The following DGKK variants were observed in gnomAD, a reference collection of about 807,000 sequenced individuals.
DGKK encodes the protein 142 kDa diacylglycerol kinase.
Under a neutral mutation model 92.2 loss-of-function variants are expected in DGKK, and 35 were observed. The observed-to-expected ratio is 0.38, with a 90% CI of 0.29 to 0.50. The LOEUF is 0.50. DGKK is among the 20% of genes least tolerant of loss of function. The pLI, the probability that DGKK is intolerant of heterozygous loss-of-function variation, is 0.92. For missense variants in DGKK, 910 were observed against 992.2 expected (o/e 0.92, Z 1.11); for synonymous variants, 368 against 360.6 (o/e 1.02, Z -0.23).
intron 1 of DGKK, among the ~76,000 whole-genome samples, chrX:50,447,138 C>G (rs1470756924): frequency 1.1e-4 from 11 of 98,926 alleles, no homozygotes; most frequent in Non-Finnish European, 2.2e-4. Flanking sequence ...TCAAATTATA[C>G]TGCTCCATTT....
chrX:50,402,536 T>C (rs1239539281), intron 7 of DGKK, among the ~76,000 whole-genome samples: 1 of 111,992 alleles, frequency 8.9e-6, no homozygotes, highest in Non-Finnish European at 1.9e-5. Context: ...CCAAATGACC[T>C]TGGACCCCTT....
chrX:50,463,793 C>T (rs978364608), intron 1 of DGKK, among the ~76,000 whole-genome samples: 1 of 110,650 alleles, frequency 9.0e-6, no homozygotes, highest in African/African-American at 3.3e-5. Context: ...TTCCCGCCCC[C>T]CATAATTCTA....
At chrX:50,403,461 C>T (rs782578759) in intron 6 of DGKK, 30 bp downstream of exon 6, 14 of 1,163,734 alleles carry the variant, frequency 1.2e-5, no homozygotes, top group South Asian at 1.1e-4. Flanking sequence ...TGGGAGAGGC[C>T]GACTGTGGGA....
chrX:50,389,857 G>A (rs1184900418), intron 12 of DGKK, among the ~76,000 whole-genome samples: 1 of 110,690 alleles, frequency 9.0e-6, no homozygotes, highest in Non-Finnish European at 1.9e-5. Context: ...TATTCTCCTG[G>A]TTAATTCCCT....
At chrX:50,454,505 A>T (rs1353770787) in intron 1 of DGKK, among the ~76,000 whole-genome samples, 2 of 111,496 alleles carry the variant, frequency 1.8e-5, no homozygotes, top group Non-Finnish European at 3.8e-5. Context: ...TAAAAACAGT[A>T]CTTTCATTAT....
intron 22 of DGKK, 133 bp downstream of exon 22, chrX:50,377,965 C>A (rs1455450548): frequency 1.3e-6 from 1 of 786,541 alleles, no homozygotes; most frequent in East Asian, 3.3e-5. Flanking sequence ...TTATAACCAG[C>A]ATCTCAAGTG....
chrX:50,469,313 T>C (rs1346183211), intron 1 of DGKK, among the ~76,000 whole-genome samples: 3 of 112,276 alleles, frequency 2.7e-5, no homozygotes, highest in African/African-American at 9.7e-5. Context: ...CTGCGCAACA[T>C]TGTATCACTG....
intron 1 of DGKK, among the ~76,000 whole-genome samples, chrX:50,450,945 G>A (rs782129167): frequency 1.8e-5 from 2 of 111,178 alleles, no homozygotes; most frequent in Admixed American, 1.9e-4. Flanking sequence ...CCTCCAATTC[G>A]TCTTATGGAT....
chrX:50,371,781 A>G lies in DGKK; in HGVS notation c.3555T>C (p.Asn1185=). ...TCTCAGATAGCTTTTTGAACTCCTT[A>G]TTCATGGCATCCAGGGCGCTTTGTA... is the stretch of plus-strand genomic sequence containing the variant. ...TALQSALDAM[N]KEFKKLSEID... Residue 1185 remains asparagine, a synonymous_variant, in exon 26 of 28, where the codon AAT becomes AAC. Coordinates refer to ENST00000611977, the MANE Select transcript of DGKK (RefSeq NM_001013742.4). 3 of 1,208,050 alleles carry G rather than the reference A, an allele frequency of 2.5e-6. No individual in the cohort carries two copies. The highest frequency in any genetic ancestry group is 2.2e-6 in the Non-Finnish European group (2 of 893,417).
chrX:50,404,003 A>G, intron 5 of DGKK, 46 bp downstream of exon 5: 1 of 1,195,794 alleles, frequency 8.4e-7, no homozygotes, highest in South Asian at 1.9e-5. Flanking sequence ...CTTCATCCCT[A>G]TATCTACCCA....
At chrX:50,391,408 C>A (rs782053119) in intron 11 of DGKK, 29 bp downstream of exon 11, 1 of 1,206,181 alleles carries the variant, frequency 8.3e-7, no homozygotes, top group Non-Finnish European at 1.1e-6. Flanking sequence ...CAGGAAGAGG[C>A]ACAAGGGCCT....
intron 18 of DGKK, among the ~76,000 whole-genome samples, 165 bp from the exon 19 acceptor site, chrX:50,380,242 AAAC>A (rs1924382787): frequency 1.8e-5 from 2 of 112,270 alleles, no homozygotes; most frequent in Non-Finnish European, 3.8e-5. Flanking sequence ...TATCCAATGC[AAAC>A]ACTTGAAGAA....
chrX:50,392,287 T>C, intron 10 of DGKK, 54 bp downstream of exon 10: 1 of 953,179 alleles, frequency 1.0e-6, no homozygotes, highest in Non-Finnish European at 1.5e-6. Flanking sequence ...GATGGGCAGC[T>C]GCACACCCCT....
At position 50,393,291 on chromosome X, in the gene DGKK, A is replaced by G. The variant is rs1924748673; in HGVS notation, c.1456T>C (p.Ser486Pro). 8.3e-7 allele frequency: 1 copy of G among 1,208,856 alleles called. No homozygotes were observed. The highest frequency in any genetic ancestry group is 1.8e-5 in the African/African-American group (1 of 57,078). The change falls in exon 9 of 28, where the codon TCA (serine) becomes CCA (proline). Residue 486 changes from serine to proline, a missense_variant. Coordinates refer to ENST00000611977, the MANE Select transcript of DGKK (RefSeq NM_001013742.4). The stretch of plus-strand genomic sequence containing the variant: ...ATGAGCAAGGGACATGAACAGGCTG[A>G]TGACCAATCAAGATTCCAGAAGTCT... ...SSDFWNLDWS[S>P]ACSCPLLIFI...
chrX:50,375,167 A>G, intron 24 of DGKK, 110 bp from the exon 25 acceptor site: 1 of 532,384 alleles, frequency 1.9e-6, no homozygotes, highest in Non-Finnish European at 3.1e-6. Flanking sequence ...GGCTAGTAGG[A>G]TGTGGCTATA....
chrX:50,386,819 C>A (rs998480483), intron 14 of DGKK, among the ~76,000 whole-genome samples: 4 of 111,961 alleles, frequency 3.6e-5, no homozygotes, highest in Non-Finnish European at 1.9e-5. Flanking sequence ...TCATTTGTTT[C>A]TGAGTGGCCC....
chrX:50,371,564 G>C (rs782277176), intron 26 of DGKK, among the ~76,000 whole-genome samples, 160 bp downstream of exon 26: 21 of 111,697 alleles, frequency 1.9e-4, no homozygotes, highest in South Asian at 7.7e-4. Context: ...TGAAGAGATT[G>C]GGGGGAGGTG....
intron 1 of DGKK, among the ~76,000 whole-genome samples, chrX:50,429,170 T>A (rs897352825): frequency 2.1e-4 from 23 of 111,737 alleles, no homozygotes; most frequent in African/African-American, 7.2e-4. Context: ...AACTATGCAG[T>A]ATCACGTCTG....
intron 20 of DGKK, among the ~76,000 whole-genome samples, chrX:50,378,971 G>A (rs1376114481): frequency 1.8e-5 from 2 of 111,770 alleles, no homozygotes; most frequent in African/African-American, 6.5e-5. Context: ...AGAGTAAAGG[G>A]GTCATGGTCA....
Sources: allele counts gnomAD v4.1 joint callset (sites outside exome capture counted in the v4.1 genomes callset), GRCh38; gene constraint gnomAD v4.1.1; transcripts MANE v1.5; gene names NCBI Gene and HGNC (gene_info 2026-07-23, HGNC 2026-07-21).